HDAC9: variants seen among roughly 807,000 people sequenced by gnomAD.
HDAC9 encodes histone deacetylase 9.
A neutral mutation model predicts 139.4 loss-of-function variants in HDAC9; 41 were observed. The observed-to-expected ratio is 0.29, with a 90% CI of 0.23 to 0.38. The LOEUF (loss-of-function observed/expected upper bound fraction) is 0.38, where lower values mean the gene tolerates loss of function less well. Ranked by LOEUF, HDAC9 falls within the 10% of genes least tolerant of loss-of-function variation. HDAC9 has a pLI of 1.00. For missense variants in HDAC9, 1,147 were observed against 1,297.0 expected, an observed-to-expected ratio of 0.88 and a Z score of 1.78; for synonymous variants, 517 against 476.2, an observed-to-expected ratio of 1.09 and a Z score of -1.12.
chr7:18,712,697 A>AAT (rs1784432112), intron 12 of HDAC9, among the ~76,000 whole-genome samples: 1 of 152,232 alleles, frequency 6.6e-6, no homozygotes, highest in South Asian at 2.1e-4. Flanking sequence ...TAAGCTTGCC[A>AAT]ATAATTGAAT....
At chr7:18,760,368 C>G (rs902830611) in intron 14 of HDAC9, among the ~76,000 whole-genome samples, 4 of 152,168 alleles carry the variant, frequency 2.6e-5, no homozygotes, top group African/African-American at 7.2e-5. Context: ...CCATCCTACT[C>G]TTTGGTTGTT....
At chr7:18,182,893 C>T (rs1178338) in intron 2 of HDAC9, among the ~76,000 whole-genome samples, 56 of 152,236 alleles carry the variant, frequency 3.7e-4, no homozygotes, top group South Asian at 8.3e-4. Context: ...GCAAGCATCA[C>T]CTTATCAATT....
chr7:18,114,490 A>G (rs774954864), intron 1 of HDAC9, among the ~76,000 whole-genome samples: 1 of 152,150 alleles, frequency 6.6e-6, no homozygotes, highest in Admixed American at 6.5e-5. Context: ...GTTGAATGCT[A>G]TTTCACCTGG....
At chr7:18,907,340 A>G (rs1802353105) in intron 22 of HDAC9, among the ~76,000 whole-genome samples, 1 of 152,220 alleles carries the variant, frequency 6.6e-6, no homozygotes, top group Non-Finnish European at 1.5e-5. Flanking sequence ...TGTTAAACAC[A>G]TTTGTCACTA....
intron 17 of HDAC9, among the ~76,000 whole-genome samples, chr7:18,798,688 C>A (rs1170270476): frequency 6.6e-6 from 1 of 152,088 alleles, no homozygotes; most frequent in African/African-American, 2.4e-5. Context: ...AGTGTGAAAG[C>A]CTTTTTCTTA....
At chr7:18,796,050 C>T (rs1337567167) in intron 17 of HDAC9, among the ~76,000 whole-genome samples, 1 of 152,194 alleles carries the variant, frequency 6.6e-6, no homozygotes, top group African/African-American at 2.4e-5. Context: ...CCCATTCTCC[C>T]AGTAAATCAA....
At chr7:18,758,989 T>A (rs1170080876) in intron 14 of HDAC9, among the ~76,000 whole-genome samples, 1 of 152,062 alleles carries the variant, frequency 6.6e-6, no homozygotes, top group Non-Finnish European at 1.5e-5. Context: ...AAATAGTTGC[T>A]TAGAGTCAAA....
chr7:18,214,855 T>C (rs1792187108), intron 2 of HDAC9, among the ~76,000 whole-genome samples: 1 of 152,162 alleles, frequency 6.6e-6, no homozygotes, highest in Non-Finnish European at 1.5e-5. Flanking sequence ...TATGGTTCTG[T>C]CCACTCAAAG....
intron 1 of HDAC9, chr7:18,327,678 A>G (rs969138659): frequency 6.6e-6 from 1 of 151,986 alleles, no homozygotes; most frequent in Non-Finnish European, 1.5e-5. Flanking sequence ...ATTAATTATC[A>G]GAAAATTGAA....
rs190566071 is a variant in HDAC9 at position 18,909,860 on chromosome 7, C to G, written c.2804-25949C>G. ...GCCAAGATATGTTGGTTATTATAGG[C>G]TTGTAGTATATTTTGAGGTCAGGTA... On this transcript the variant is annotated intron_variant, in intron 22 of 25. Coordinates refer to ENST00000686413, the MANE Select transcript of HDAC9 (RefSeq NM_178425.4). Among the ~76,000 whole-genome samples the G allele has an allele frequency of 3.1e-3, 476 of 151,982 alleles. 11 individuals are homozygous for G. Among genetic ancestry groups the G allele is most frequent in the Admixed American group, 0.03 (457 of 15,248 alleles).
At chr7:18,468,931 CT>C (rs1794514257) in intron 1 of HDAC9, among the ~76,000 whole-genome samples, 1 of 152,176 alleles carries the variant, frequency 6.6e-6, no homozygotes, top group South Asian at 2.1e-4. Context: ...TATTGTCAGC[CT>C]TGAGTTTAGA....
intron 21 of HDAC9, among the ~76,000 whole-genome samples, chr7:18,872,618 G>C (rs1297101987): frequency 6.6e-6 from 1 of 152,036 alleles, no homozygotes. Context: ...GCTTTTTGTG[G>C]CTTCTCTGTA....
intron 1 of HDAC9, among the ~76,000 whole-genome samples, chr7:18,432,950 TAA>T (rs371784284): frequency 0.037 from 4,805 of 130,742 alleles, 94 homozygotes; most frequent in African/African-American, 0.068. Flanking sequence ...GACTCTGTCT[TAA>T]AAAAAAAAAA....
intron 6 of HDAC9, among the ~76,000 whole-genome samples, chr7:18,610,463 A>G (rs1405618): frequency 0.75 from 114,101 of 151,986 alleles, 43,474 homozygotes; most frequent in African/African-American, 0.89. Context: ...GCAAAAACAA[A>G]CACTCTTTCC....
At chr7:18,727,444 A>AT (rs879798285) in intron 12 of HDAC9, 136 bp from the exon 13 acceptor site, 3,859 of 613,556 alleles carry the variant, frequency 6.3e-3, no homozygotes, top group Middle Eastern at 7.9e-3. Context: ...CCCTTTCTCT[A>AT]TTTTTTTTTT....
intron 1 of HDAC9, among the ~76,000 whole-genome samples, chr7:18,108,561 C>T (rs57871121): frequency 3.3e-5 from 5 of 149,480 alleles, no homozygotes; most frequent in Non-Finnish European, 4.4e-5. Context: ...CAAATGAGAT[C>T]GTATTCCTGA....
chr7:18,917,699 A>G (rs567238445), intron 22 of HDAC9, among the ~76,000 whole-genome samples: 1 of 152,104 alleles, frequency 6.6e-6, no homozygotes, highest in East Asian at 1.9e-4. Flanking sequence ...CATTTTTTTC[A>G]TGTATTCACC....
intron 22 of HDAC9, among the ~76,000 whole-genome samples, chr7:18,928,719 G>C (rs2129302885): frequency 6.6e-6 from 1 of 152,048 alleles, no homozygotes; most frequent in Non-Finnish European, 1.5e-5. Context: ...GTTTTATTTA[G>C]AAAATACAAC....
intron 2 of HDAC9, among the ~76,000 whole-genome samples, chr7:18,517,008 C>G (rs570265627): frequency 6.6e-6 from 1 of 151,966 alleles, no homozygotes; most frequent in East Asian, 1.9e-4. Flanking sequence ...CTTTTTCTGG[C>G]AACAACAACA....
Sources: allele counts gnomAD v4.1 joint callset (sites outside exome capture counted in the v4.1 genomes callset), GRCh38; gene constraint gnomAD v4.1.1; transcripts MANE v1.5; gene names NCBI Gene and HGNC (gene_info 2026-07-23, HGNC 2026-07-21).